Variants in EXOSC7 observed in about 807,000 individuals in gnomAD.
EXOSC7 encodes exosome complex component RRP42.
A neutral mutation model predicts 34.3 loss-of-function variants in EXOSC7; 25 were observed. The ratio of observed to expected loss-of-function variants is 0.73; its 90% CI spans 0.53 to 1.02. The LOEUF is 1.02. Among genes scored for constraint, EXOSC7 ranks in the 50% least tolerant of loss-of-function variants. The pLI, the probability that EXOSC7 is intolerant of heterozygous loss-of-function variation, is 0.00. For synonymous variants in EXOSC7, 130 were observed against 143.0 expected, an observed-to-expected ratio of 0.91 and a Z score of 0.65; for missense variants, 370 against 368.5, an observed-to-expected ratio of 1.00 and a Z score of -0.03.
rs142216137 is a variant in EXOSC7, at chr3:45,000,555, G to C, written c.421-983G>C. Among the ~76,000 whole-genome samples, 971 of 152,354 alleles carry C rather than the reference G, an allele frequency of 6.4e-3. 8 individuals are homozygous for C. The highest frequency in any genetic ancestry group is 0.024 in the Middle Eastern group (7 of 294). ...AAATGTGCTCTAATTTTCCCTGCTA[G>C]ATGAGCATACGTAAGTGCACTCAAC... is the stretch of plus-strand genomic sequence containing the variant. On this transcript the variant is annotated intron_variant, in intron 4 of 7. Coordinates refer to ENST00000265564, the MANE Select transcript of EXOSC7 (RefSeq NM_015004.4).
At position 44,997,366 on chromosome 3, in the gene EXOSC7, G is replaced by A. The variant is rs1375237318; in HGVS notation, c.420+114G>A. ...CAGGTGGATGCTTTCAACTTATAGG[G>A]TGGGATTAGTTGGGAAAAGATGGTC... is the stretch of plus-strand genomic sequence containing the variant. On this transcript the variant is annotated intron_variant, in intron 4 of 7. Transcript: ENST00000265564. The A allele has an allele frequency of 4.3e-6, 4 of 932,286 alleles. No homozygotes were observed. In the South Asian group the frequency reaches 6.6e-5, roughly 15 times the overall value. 57.8% of individuals were successfully genotyped at this position (932,286 alleles called of 1,614,324 possible). A position where few individuals can be genotyped will look rare whatever the true frequency, so the allele number is the denominator to read the frequency against.
chr3:45,006,844 C>A (rs779558369), intron 6 of EXOSC7, among the ~76,000 whole-genome samples: 12 of 151,480 alleles, frequency 7.9e-5, no homozygotes, highest in Non-Finnish European at 1.5e-4. Context: ...CCACCTCAGC[C>A]TCCCAAGTAG....
At chr3:44,988,128 T>G (rs1706471846) in intron 1 of EXOSC7, among the ~76,000 whole-genome samples, 1 of 152,178 alleles carries the variant, frequency 6.6e-6, no homozygotes, top group African/African-American at 2.4e-5. Context: ...CCAGGGCTCC[T>G]TGGAGAAAGG....
At chr3:45,003,647 A>C (rs1483591104) in intron 5 of EXOSC7, among the ~76,000 whole-genome samples, 1 of 152,072 alleles carries the variant, frequency 6.6e-6, no homozygotes, top group Non-Finnish European at 1.5e-5. Flanking sequence ...GGCTCCTCCA[A>C]CCCAGCCTGG....
chr3:45,012,203 C>T (rs926306073), downstream of EXOSC7: 1 of 152,090 alleles, frequency 6.6e-6, no homozygotes, highest in Non-Finnish European at 1.5e-5. Context: ...ACTCCTAAAT[C>T]TTAAAACACC....
chr3:45,011,078 T>G (rs1192766072), intron 7 of EXOSC7, among the ~76,000 whole-genome samples, 157 bp from the exon 8 acceptor site: 1 of 152,240 alleles, frequency 6.6e-6, no homozygotes, highest in Non-Finnish European at 1.5e-5. Flanking sequence ...GGTCTGTGGT[T>G]TTTGTTTTAA....
intron 4 of EXOSC7, among the ~76,000 whole-genome samples, chr3:45,001,086 A>G (rs1706862772): frequency 6.6e-6 from 1 of 152,170 alleles, no homozygotes; most frequent in Non-Finnish European, 1.5e-5. Context: ...TCTTTATTTT[A>G]TAAACACACA....
chr3:45,003,013 G>C (rs1188922834), intron 5 of EXOSC7, among the ~76,000 whole-genome samples: 1 of 152,200 alleles, frequency 6.6e-6, no homozygotes, highest in Non-Finnish European at 1.5e-5. Context: ...GGCAAAAAGA[G>C]AGATTGGGAA....
At chr3:45,005,489 CTTAATAAG>C in intron 6 of EXOSC7, 75 bp downstream of exon 6, 2 of 1,475,576 alleles carry the variant, frequency 1.4e-6, no homozygotes, top group South Asian at 2.5e-5. Context: ...GCTGAGGTTA[CTTAATAAG>C]TTAAGAAGTT....
intron 1 of EXOSC7, among the ~76,000 whole-genome samples, chr3:44,983,888 A>G (rs79050431): frequency 2.3e-3 from 348 of 152,044 alleles, no homozygotes; most frequent in African/African-American, 6.6e-3. Flanking sequence ...TGCCCTGGGT[A>G]CAGTGATTCA....
At chr3:44,983,141 A>G (rs1375816969) in intron 1 of EXOSC7, among the ~76,000 whole-genome samples, 4 of 152,182 alleles carry the variant, frequency 2.6e-5, no homozygotes, top group Non-Finnish European at 5.9e-5. Flanking sequence ...TTCTATTAAG[A>G]AGTAATAGGA....
chr3:44,976,261 TG>T lies in EXOSC7; in HGVS notation c.-13del. 6.5e-7 allele frequency: 1 copy of T among 1,543,346 alleles called. No homozygotes were observed. The highest frequency in any genetic ancestry group is 8.7e-7 in the Non-Finnish European group (1 of 1,152,184). On this transcript the variant is annotated 5_prime_UTR_variant, in exon 1 of 8. Coordinates refer to ENST00000265564, the MANE Select transcript of EXOSC7 (RefSeq NM_015004.4). ...ACGCGCGCAGATGACGTGCGGCTCG[TG>T]GGGCAGCTCGGCAGCATGGCGTCCG...
At chr3:45,007,643 G>A in intron 7 of EXOSC7, 68 bp downstream of exon 7, 1 of 1,460,388 alleles carries the variant, frequency 6.8e-7, no homozygotes. Flanking sequence ...TGCTCCCTTG[G>A]TCATACCGTG....
Position 44,976,269 on chromosome 3 carries a change from C to G in EXOSC7, c.-9C>G. The G allele has an allele frequency of 6.4e-7, 1 of 1,554,158 alleles. No homozygotes were observed. ...AGATGACGTGCGGCTCGTGGGGCAGCTCGGCAGCATGGCGTCCGTGACGCT... is the reference window on the plus strand; with the variant it reads ...AGATGACGTGCGGCTCGTGGGGCAGGTCGGCAGCATGGCGTCCGTGACGCT... On this transcript the variant is annotated 5_prime_UTR_variant, in exon 1 of 8. Coordinates refer to ENST00000265564, the MANE Select transcript of EXOSC7 (RefSeq NM_015004.4).
chr3:44,976,383 T>G (rs753031633), intron 1 of EXOSC7, 49 bp downstream of exon 1: 3 of 1,507,490 alleles, frequency 2.0e-6, no homozygotes, highest in African/African-American at 2.9e-5. Context: ...AGCCTGGCCC[T>G]GCGGGTCGCG....
intron 4 of EXOSC7, among the ~76,000 whole-genome samples, chr3:45,001,125 T>A (rs1187129036): frequency 6.6e-6 from 1 of 152,020 alleles, no homozygotes; most frequent in East Asian, 1.9e-4. Context: ...TCAGTGTCCT[T>A]GACCACAGAA....
chr3:44,977,590 T>C (rs1459059745), intron 1 of EXOSC7, among the ~76,000 whole-genome samples: 2 of 152,238 alleles, frequency 1.3e-5, no homozygotes, highest in Non-Finnish European at 2.9e-5. Context: ...CATATGTGTG[T>C]ATTACAGGGT....
chr3:45,005,242 T>C (rs772247607), intron 5 of EXOSC7, 49 bp from the exon 6 acceptor site: 2 of 1,608,840 alleles, frequency 1.2e-6, no homozygotes, highest in Admixed American at 3.3e-5. Flanking sequence ...TAAAAAGAAG[T>C]TATTTTTCCT....
In EXOSC7 at chr3:45,011,273, G is replaced by C. The variant is rs1466850041; in HGVS notation, c.810G>C (p.Leu270Phe). ...TGGGCAAGGTACTGCATGCCTCCTT[G>C]CAGAGTGTTGTGCACAAGGAAGAAA... is the stretch of plus-strand genomic sequence containing the variant. ...KRVGKVLHAS[L>F]QSVVHKEESL... The change falls in exon 8 of 8, where the codon TTG (leucine) becomes TTC (phenylalanine). Residue 270 changes from leucine to phenylalanine, a missense_variant. By Grantham distance (22) the Leu-to-Phe change is conservative. This residue lies in a region of EXOSC7 where 255 missense variants were observed against 246.4 expected (regional missense o/e 1.03). Transcript: ENST00000265564. 2 of 1,613,438 alleles carry C rather than the reference G, an allele frequency of 1.2e-6. No homozygotes were observed. The highest frequency in any genetic ancestry group is 2.7e-5 in the African/African-American group (2 of 74,874).
Sources: allele counts gnomAD v4.1 joint callset (sites outside exome capture counted in the v4.1 genomes callset), GRCh38; gene constraint gnomAD v4.1.1; regional missense constraint gnomAD v4.1.1; transcripts MANE v1.5; gene names NCBI Gene and HGNC (gene_info 2026-07-23, HGNC 2026-07-21).